RAB11FIP3: variants seen among roughly 807,000 people sequenced by gnomAD.
RAB11FIP3 encodes the protein RAB11 family interacting protein 3, also known as rab11 family-interacting protein 3.
In RAB11FIP3, 17 loss-of-function variants were observed where a neutral mutation model predicts 77.8. The observed-to-expected ratio is 0.22, with a 90% CI of 0.15 to 0.33. The LOEUF is 0.33. RAB11FIP3 is among the 10% of genes least tolerant of loss of function. The probability of loss-of-function intolerance (pLI) is 1.00; values close to 1 mark genes in which losing one functional copy is unlikely to be tolerated. For synonymous variants in RAB11FIP3, 437 were observed against 448.2 expected, an observed-to-expected ratio of 0.98 and a Z score of 0.31; for missense variants, 1,005 against 1,011.2, an observed-to-expected ratio of 0.99 and a Z score of 0.08.
rs1207632550 is a variant in RAB11FIP3, at chr16:492,454, CTT to C, written c.1265+3455_1265+3456del. Among the ~76,000 whole-genome samples, 85 of 35,740 alleles carry C rather than the reference CTT, an allele frequency of 2.4e-3. 1 individual carries two copies. Among genetic ancestry groups the C allele is most frequent in the African/African-American group, 8.3e-3 (73 of 8,802 alleles). The allele number at this position is 35,740 out of a possible 152,430, so 23.4% of individuals were successfully genotyped here. A position where few individuals can be genotyped will look rare whatever the true frequency, so the allele number is the denominator to read the frequency against. On this transcript the variant is annotated intron_variant, in intron 5 of 13. Coordinates refer to ENST00000262305, the MANE Select transcript of RAB11FIP3 (RefSeq NM_014700.4). ...GGGAGACCCGAGGCCGCCCAGGGCC[CTT>C]CCCGGGGAGACCCGAGGCCGCCCAG...
intron 8 of RAB11FIP3, among the ~76,000 whole-genome samples, chr16:508,429 A>G (rs1273076810): frequency 6.6e-6 from 1 of 152,210 alleles, no homozygotes; most frequent in Admixed American, 6.5e-5. Flanking sequence ...GCTGGAGTGC[A>G]ATGGCACAAT....
intron 1 of RAB11FIP3, among the ~76,000 whole-genome samples, chr16:454,317 C>T (rs2055459600): frequency 1.3e-5 from 2 of 152,136 alleles, no homozygotes; most frequent in South Asian, 2.1e-4. Flanking sequence ...AGTGGCTCAT[C>T]CCTGTAGTTC....
intron 9 of RAB11FIP3, among the ~76,000 whole-genome samples, chr16:512,840 GC>G (rs1218758481): frequency 6.6e-6 from 1 of 152,082 alleles, no homozygotes; most frequent in African/African-American, 2.4e-5. Context: ...ACTGCACCCA[GC>G]CAAAAAATCA....
chr16:496,634 C>T (rs1161684946), intron 5 of RAB11FIP3, among the ~76,000 whole-genome samples, 190 bp from the exon 6 acceptor site: 1 of 152,208 alleles, frequency 6.6e-6, no homozygotes, highest in Non-Finnish European at 1.5e-5. Context: ...GGCCTCACCC[C>T]AGCACTGCCG....
chr16:453,099 G>A (rs549701913), intron 1 of RAB11FIP3, among the ~76,000 whole-genome samples: 12 of 137,950 alleles, frequency 8.7e-5, no homozygotes, highest in East Asian at 6.4e-4. Flanking sequence ...TTTTTGAGAC[G>A]GAGTCTCGCT....
At chr16:445,449 AT>A (rs1240810633) in intron 1 of RAB11FIP3, among the ~76,000 whole-genome samples, 164 of 152,198 alleles carry the variant, frequency 1.1e-3, no homozygotes, top group African/African-American at 3.7e-3. Context: ...CAAAATAAAA[AT>A]AAAAATAAAA....
At chr16:453,874 C>T (rs1360326982) in intron 1 of RAB11FIP3, among the ~76,000 whole-genome samples, 6 of 152,058 alleles carry the variant, frequency 3.9e-5, no homozygotes, top group East Asian at 3.9e-4. Context: ...GGATTACAGA[C>T]GTGAGCCACC....
chr16:497,306 G>C, intron 6 of RAB11FIP3: 1 of 1,304,274 alleles, frequency 7.7e-7, no homozygotes, highest in Non-Finnish European at 1.0e-6. Flanking sequence ...GTATAGATCT[G>C]TTGGCTTCCT....
At chr16:448,002 T>C (rs1320636135) in intron 1 of RAB11FIP3, among the ~76,000 whole-genome samples, 2 of 151,224 alleles carry the variant, frequency 1.3e-5, no homozygotes, top group South Asian at 4.2e-4. Context: ...GAAAAAAAAC[T>C]GTAAAGAAAA....
chr16:469,181 C>G (rs2055767683), intron 2 of RAB11FIP3, among the ~76,000 whole-genome samples: 1 of 152,044 alleles, frequency 6.6e-6, no homozygotes, highest in Non-Finnish European at 1.5e-5. Flanking sequence ...AAGCTATTCT[C>G]CTGCCTCAGC....
chr16:508,518 C>G (rs1439737222), intron 8 of RAB11FIP3, among the ~76,000 whole-genome samples: 1 of 152,186 alleles, frequency 6.6e-6, no homozygotes, highest in Non-Finnish European at 1.5e-5. Flanking sequence ...GGATTACAGG[C>G]ATGCGCCACT....
chr16:437,457 C>T (rs1274777524), intron 1 of RAB11FIP3, among the ~76,000 whole-genome samples: 2 of 150,306 alleles, frequency 1.3e-5, no homozygotes, highest in East Asian at 2.0e-4. Context: ...GTAGTCCCAG[C>T]TACTCAGGAG....
intron 8 of RAB11FIP3, among the ~76,000 whole-genome samples, chr16:508,835 C>T (rs1209560979): frequency 1.3e-5 from 2 of 152,070 alleles, no homozygotes; most frequent in African/African-American, 4.8e-5. Context: ...CTTTCCTCGT[C>T]TCTAATTTTA....
At chr16:480,286 CAAAAAAA>C (rs56228402) in intron 3 of RAB11FIP3, among the ~76,000 whole-genome samples, 1 of 80,024 alleles carries the variant, frequency 1.2e-5, no homozygotes, top group South Asian at 4.8e-4. Flanking sequence ...ACTCCTTCTC[CAAAAAAA>C]AAAAAAAAAA....
At chr16:459,253 A>C (rs2055561897) in intron 1 of RAB11FIP3, among the ~76,000 whole-genome samples, 1 of 150,340 alleles carries the variant, frequency 6.7e-6, no homozygotes, top group Non-Finnish European at 1.5e-5. Flanking sequence ...CAGCCTCCCG[A>C]GTAGCTGGGG....
intron 3 of RAB11FIP3, among the ~76,000 whole-genome samples, chr16:476,200 AGC>A (rs1295664164): frequency 6.6e-6 from 1 of 152,160 alleles, no homozygotes; most frequent in Non-Finnish European, 1.5e-5. Flanking sequence ...TCCAGAGCGG[AGC>A]GTGTGAGTTC....
At chr16:470,359 C>G (rs2055787066) in intron 2 of RAB11FIP3, among the ~76,000 whole-genome samples, 1 of 152,128 alleles carries the variant, frequency 6.6e-6, no homozygotes, top group South Asian at 2.1e-4. Flanking sequence ...TCTCAATCAC[C>G]TGGGCTGAAG....
chr16:493,766 C>T (rs2030828388), intron 5 of RAB11FIP3, among the ~76,000 whole-genome samples: 1 of 148,004 alleles, frequency 6.8e-6, no homozygotes, highest in Admixed American at 6.8e-5. Context: ...ATCACCACAC[C>T]TGGCTAACTT....
At chr16:468,971 CTGTA>C (rs1219453504) in intron 2 of RAB11FIP3, among the ~76,000 whole-genome samples, 1 of 152,170 alleles carries the variant, frequency 6.6e-6, no homozygotes, top group East Asian at 1.9e-4. Context: ...AAATGCTTCG[CTGTA>C]TATTGAAAGT....
Sources: allele counts gnomAD v4.1 joint callset (sites outside exome capture counted in the v4.1 genomes callset), GRCh38; gene constraint gnomAD v4.1.1; transcripts MANE v1.5; gene names NCBI Gene and HGNC (gene_info 2026-07-23, HGNC 2026-07-21).